SLC1A3: variants seen among roughly 807,000 people sequenced by gnomAD.
The protein encoded by SLC1A3 is excitatory amino acid transporter 1.
In SLC1A3, 21 loss-of-function variants were observed where a neutral mutation model predicts 48.1. That is an observed-to-expected ratio of 0.44 (90% CI 0.31 to 0.63). SLC1A3 has a LOEUF of 0.63. SLC1A3 is among the 20% of genes least tolerant of loss of function. The pLI, the probability that SLC1A3 is intolerant of heterozygous loss-of-function variation, is 0.08. For missense variants in SLC1A3, 546 were observed against 689.0 expected, an observed-to-expected ratio of 0.79 and a Z score of 2.32; for synonymous variants, 239 against 251.4, an observed-to-expected ratio of 0.95 and a Z score of 0.47.
chr5:36,684,826 C>T (rs116205636), intron 9 of SLC1A3, among the ~76,000 whole-genome samples: 1,646 of 152,254 alleles, frequency 0.011, 37 homozygotes, highest in African/African-American at 0.037. Flanking sequence ...TGTGTGAGAC[C>T]GGGCAGATTA....
intron 2 of SLC1A3, among the ~76,000 whole-genome samples, chr5:36,628,739 G>A (rs1429772525): frequency 6.6e-6 from 1 of 152,172 alleles, no homozygotes; most frequent in East Asian, 1.9e-4. Context: ...AGTTTCAGTT[G>A]TAGAGGGAAA....
At chr5:36,639,431 G>C (rs1333669307) in intron 3 of SLC1A3, among the ~76,000 whole-genome samples, 1 of 152,166 alleles carries the variant, frequency 6.6e-6, no homozygotes, top group Admixed American at 6.5e-5. Context: ...TCTGTAATAT[G>C]CTTTATTTGG....
Position 36,674,039 on chromosome 5 carries a change from T to C in SLC1A3, c.525-10T>C. 6.2e-7 allele frequency: 1 copy of C among 1,612,572 alleles called. No individual in the cohort carries two copies. ...GAAAATTTTGCAAGTGACTATTACTTTCTTTGCAGGAACATGTTCCCTCCA... is the reference window on the plus strand; with the variant it reads ...GAAAATTTTGCAAGTGACTATTACTCTCTTTGCAGGAACATGTTCCCTCCA... On this transcript the variant is annotated splice_polypyrimidine_tract_variant and intron_variant, in intron 4 of 9. Coordinates refer to ENST00000265113, the MANE Select transcript of SLC1A3 (RefSeq NM_004172.5).
At chr5:36,634,012 A>G (rs1740236318) in intron 3 of SLC1A3, among the ~76,000 whole-genome samples, 1 of 152,210 alleles carries the variant, frequency 6.6e-6, no homozygotes, top group African/African-American at 2.4e-5. Context: ...GTCGTGGCTC[A>G]TGCCTGTAAT....
chr5:36,650,665 A>C (rs1741023453), intron 3 of SLC1A3, among the ~76,000 whole-genome samples: 1 of 152,202 alleles, frequency 6.6e-6, no homozygotes, highest in African/African-American at 2.4e-5. Flanking sequence ...TCTTTCCCCC[A>C]AACCATTGGT....
chr5:36,603,971 T>C (rs1228573553), upstream of SLC1A3, among the ~76,000 whole-genome samples: 3 of 152,266 alleles, frequency 2.0e-5, no homozygotes, highest in African/African-American at 7.2e-5. Context: ...GAAGTTTGAC[T>C]GGCCTGTACC....
chr5:36,650,385 C>CA (rs1420976693), intron 3 of SLC1A3, among the ~76,000 whole-genome samples: 1 of 152,110 alleles, frequency 6.6e-6, no homozygotes, highest in Non-Finnish European at 1.5e-5. Flanking sequence ...AGTCAGTTTT[C>CA]AAAAATCCCC....
At chr5:36,599,508 CT>C (rs1176214248) in intron 1 of SLC1A3, among the ~76,000 whole-genome samples, 37 of 78,280 alleles carry the variant, frequency 4.7e-4, no homozygotes, top group South Asian at 2.4e-3. Flanking sequence ...TACGGTTGAA[CT>C]TTTTTTTTTT....
At chr5:36,644,624 A>C (rs1740763680) in intron 3 of SLC1A3, among the ~76,000 whole-genome samples, 1 of 152,192 alleles carries the variant, frequency 6.6e-6, no homozygotes, top group African/African-American at 2.4e-5. Context: ...GGCAGATATA[A>C]ATATTTTAAT....
At chr5:36,617,584 G>C (rs1309708934) in intron 2 of SLC1A3, among the ~76,000 whole-genome samples, 1 of 151,788 alleles carries the variant, frequency 6.6e-6, no homozygotes, top group Non-Finnish European at 1.5e-5. Context: ...TATGCCTTTG[G>C]AGAAATGTTA....
At chr5:36,661,341 G>T (rs1024595020) in intron 3 of SLC1A3, among the ~76,000 whole-genome samples, 6 of 152,234 alleles carry the variant, frequency 3.9e-5, no homozygotes, top group African/African-American at 1.4e-4. Flanking sequence ...GAACCTGGGA[G>T]GCAGAGGTTG....
intron 2 of SLC1A3, among the ~76,000 whole-genome samples, chr5:36,614,809 TGA>T (rs1561240260): frequency 1.3e-5 from 2 of 152,172 alleles, no homozygotes; most frequent in Non-Finnish European, 2.9e-5. Context: ...GCTGGAACCC[TGA>T]GAGAAATGTG....
rs574638656 is a variant in SLC1A3, at chr5:36,611,398, A to T, written c.181+2794A>T. Among the ~76,000 whole-genome samples the T allele has an allele frequency of 1.5e-3, 222 of 151,576 alleles. 1 individual carries two copies. The highest frequency in any genetic ancestry group is 2.6e-3 in the Non-Finnish European group (174 of 67,926). ...AAATGTATATGATTTAATGTGTAGA[A>T]GTGGAAACTAGAAAAATATTATGAT... is the stretch of plus-strand genomic sequence containing the variant. On this transcript the variant is annotated intron_variant, in intron 2 of 9. Transcript: ENST00000265113.
At chr5:36,625,818 G>T (rs1231548850) in intron 2 of SLC1A3, among the ~76,000 whole-genome samples, 1 of 152,180 alleles carries the variant, frequency 6.6e-6, no homozygotes, top group African/African-American at 2.4e-5. Flanking sequence ...CTATAGAGAA[G>T]AACTTTTAGA....
intron 4 of SLC1A3, among the ~76,000 whole-genome samples, chr5:36,672,706 A>C (rs866937401): frequency 6.6e-6 from 1 of 152,124 alleles, no homozygotes; most frequent in Admixed American, 6.6e-5. Context: ...ATGTATGTAA[A>C]CACTACCCAA....
At chr5:36,682,433 T>A (rs1742476397) in intron 8 of SLC1A3, among the ~76,000 whole-genome samples, 1 of 152,062 alleles carries the variant, frequency 6.6e-6, no homozygotes, top group Non-Finnish European at 1.5e-5. Flanking sequence ...AGGCCCAAAG[T>A]AGTTATAATG....
At chr5:36,682,895 A>C (rs1388750521) in intron 8 of SLC1A3, among the ~76,000 whole-genome samples, 1 of 152,244 alleles carries the variant, frequency 6.6e-6, no homozygotes, top group African/African-American at 2.4e-5. Flanking sequence ...CAGTATGGGG[A>C]CCATGAATAC....
Position 36,676,995 on chromosome 5 carries a change from T to C in SLC1A3, c.671T>C (p.Leu224Pro). Residue 224 changes from leucine to proline, a missense_variant, in exon 6 of 10, where the codon CTT becomes CCT. Coordinates refer to ENST00000265113, the MANE Select transcript of SLC1A3 (RefSeq NM_004172.5). The stretch of plus-strand genomic sequence containing the variant: ...AATGTGTCTGAGGCCATGGAGACTC[T>C]TACCCGAATCACAGAGGAGCTGGTC... ...INNVSEAMET[L>P]TRITEELVPV... is the part of the protein sequence containing the mutation. 1 of 1,614,070 alleles carries C rather than the reference T, an allele frequency of 6.2e-7. No individual in the cohort carries two copies. Among genetic ancestry groups the C allele is most frequent in the African/African-American group, 1.3e-5 (1 of 75,020 alleles).
chr5:36,644,195 G>A (rs1171048299), intron 3 of SLC1A3, among the ~76,000 whole-genome samples: 2 of 151,732 alleles, frequency 1.3e-5, no homozygotes, highest in Non-Finnish European at 2.9e-5. Context: ...ACAGTGGGAT[G>A]TCGTTAGTAA....
Sources: gnomAD v4.1 joint callset for allele counts (sites outside exome capture counted in the v4.1 genomes callset) on GRCh38, gnomAD v4.1.1 for gene constraint, MANE v1.5 for transcripts, NCBI Gene and HGNC (gene_info 2026-07-23, HGNC 2026-07-21) for gene names.